RALGAPA2: variants seen among roughly 807,000 people sequenced by gnomAD.
RALGAPA2 encodes ral GTPase-activating protein subunit alpha-2.
A neutral mutation model predicts 230.4 loss-of-function variants in RALGAPA2; 139 were observed. The ratio of observed to expected loss-of-function variants is 0.60; its 90% CI spans 0.53 to 0.69. The LOEUF is 0.69. RALGAPA2 is among the 30% of genes least tolerant of loss of function. RALGAPA2 has a pLI of 0.00. For synonymous variants in RALGAPA2, 847 were observed against 837.8 expected (o/e 1.01, Z -0.19); for missense variants, 2,163 against 2,276.0 (o/e 0.95, Z 1.01).
chr20:20,472,787 C>T (rs759079350), intron 37 of RALGAPA2, 42 bp downstream of exon 37: 9 of 1,575,064 alleles, frequency 5.7e-6, no homozygotes, highest in Non-Finnish European at 1.7e-6. Context: ...AATCTTGATT[C>T]TGGGATGGTT....
chr20:20,694,669 T>C (rs1210271778), intron 1 of RALGAPA2, among the ~76,000 whole-genome samples: 1 of 152,242 alleles, frequency 6.6e-6, no homozygotes, highest in East Asian at 1.9e-4. Context: ...TATGTAATTC[T>C]TCACTTACTG....
intron 38 of RALGAPA2, among the ~76,000 whole-genome samples, chr20:20,411,459 A>G (rs1210485751): frequency 6.6e-6 from 1 of 152,202 alleles, no homozygotes; most frequent in African/African-American, 2.4e-5. Context: ...AATTATTGTA[A>G]GCTAGTTTCT....
chr20:20,559,178 A>G (rs531163706), intron 23 of RALGAPA2, among the ~76,000 whole-genome samples: 28 of 152,354 alleles, frequency 1.8e-4, no homozygotes, highest in African/African-American at 6.7e-4. Context: ...TGCACAAAGC[A>G]GCAAAACTGA....
At chr20:20,614,287 A>G (rs1384861274) in intron 13 of RALGAPA2, among the ~76,000 whole-genome samples, 2 of 152,226 alleles carry the variant, frequency 1.3e-5, no homozygotes, top group Non-Finnish European at 2.9e-5. Context: ...ATTAGTAAAA[A>G]ACAGAACAGA....
rs574619952 is a variant in RALGAPA2 at position 20,702,343 on chromosome 20, C to T, written c.106+10032G>A. ...TGCAAGAGATTTATTGGGGTAAATG[C>T]CCATGAAGGATAAATGAGAAGGAGC... On this transcript the variant is annotated intron_variant, in intron 1 of 39. Transcript: ENST00000202677. 4.6e-5 allele frequency among the ~76,000 whole-genome samples: 7 copies of T among 152,104 alleles called. No individual in the cohort carries two copies. The South Asian group carries it at 1.2e-3, about 27-fold the overall frequency.
At chr20:20,477,272 CAACT>C (rs894191013) in intron 36 of RALGAPA2, among the ~76,000 whole-genome samples, 1 of 152,166 alleles carries the variant, frequency 6.6e-6, no homozygotes, top group African/African-American at 2.4e-5. Flanking sequence ...TTGAACAAGA[CAACT>C]AACAAACTCA....
chr20:20,571,898 G>A lies in RALGAPA2; in HGVS notation c.2950C>T (p.Pro984Ser). The A allele has an allele frequency of 6.2e-7, 1 of 1,612,108 alleles. No individual in the cohort carries two copies. The highest frequency in any genetic ancestry group is 8.5e-7 in the Non-Finnish European group (1 of 1,178,988). Residue 984 changes from proline (P) to serine (S), a missense_variant, in exon 22 of 40, where the codon CCT (proline) becomes TCT (serine). Transcript: ENST00000202677. ...CTGAGTGGTGGGATCAAAACTGGAG[G>A]AGATGGAGAAGACTGGTTATCCAGG... is the stretch of plus-strand genomic sequence containing the variant. ...ISLDNQSSPSPPVLIPPLRMF... is the reference protein window; with the variant it reads ...ISLDNQSSPSSPVLIPPLRMF...
chr20:20,636,062 A>G (rs2066847518), intron 8 of RALGAPA2, among the ~76,000 whole-genome samples: 1 of 152,224 alleles, frequency 6.6e-6, no homozygotes, highest in Admixed American at 6.5e-5. Context: ...ACTGAACTTT[A>G]GAGGTTTATA....
intron 8 of RALGAPA2, among the ~76,000 whole-genome samples, chr20:20,635,989 T>C (rs375300589): frequency 2.6e-5 from 4 of 152,244 alleles, no homozygotes; most frequent in Non-Finnish European, 5.9e-5. Flanking sequence ...TGTAAAAGTA[T>C]ATATGAACTT....
At chr20:20,599,942 C>T (rs2146192211) in intron 16 of RALGAPA2, among the ~76,000 whole-genome samples, 1 of 150,914 alleles carries the variant, frequency 6.6e-6, no homozygotes, top group South Asian at 2.1e-4. Flanking sequence ...CACTGCACTT[C>T]AGCCTGGGCT....
intron 14 of RALGAPA2, among the ~76,000 whole-genome samples, chr20:20,609,020 G>A (rs1235836951): frequency 6.6e-6 from 1 of 151,994 alleles, no homozygotes. Context: ...TTTGAGACAG[G>A]GTCTTGCTCT....
chr20:20,610,016 C>T (rs764545852), intron 14 of RALGAPA2, among the ~76,000 whole-genome samples: 14 of 152,152 alleles, frequency 9.2e-5, no homozygotes, highest in Non-Finnish European at 5.9e-5. Flanking sequence ...TTCAAAATTC[C>T]GTTATCTTGT....
chr20:20,490,456 T>C (rs142192761), intron 36 of RALGAPA2, among the ~76,000 whole-genome samples: 270 of 152,346 alleles, frequency 1.8e-3, no homozygotes, highest in African/African-American at 6.4e-3. Flanking sequence ...TTTTCAATGA[T>C]CTTTTCTAAA....
At chr20:20,537,855 C>A (rs1334425198) in intron 24 of RALGAPA2, among the ~76,000 whole-genome samples, 1 of 152,170 alleles carries the variant, frequency 6.6e-6, no homozygotes, top group Non-Finnish European at 1.5e-5. Context: ...ATAAAGTCCC[C>A]TCACCAACCC....
In RALGAPA2 at chr20:20,571,584, T is replaced by C; in HGVS notation, c.3030A>G (p.Glu1010=). ...KAATLPNEYK[E]GKLQAYRLIC... is the part of the protein sequence containing the mutation. Reference sequence around the variant, plus strand: ...TCAGCCTGTAGGCTTGTAGTTTGCCTTCCTTATATTCATTTGGCAGTGTCG... The same window carrying C: ...TCAGCCTGTAGGCTTGTAGTTTGCCCTCCTTATATTCATTTGGCAGTGTCG... Residue 1010 remains glutamate, a synonymous_variant, in exon 23 of 40, where the codon GAA becomes GAG. Coordinates refer to ENST00000202677, the MANE Select transcript of RALGAPA2 (RefSeq NM_020343.4). 1 of 1,611,562 alleles carries C rather than the reference T, an allele frequency of 6.2e-7. No homozygotes were observed. The highest frequency in any genetic ancestry group is 1.1e-5 in the South Asian group (1 of 90,464).
At chr20:20,666,570 G>C (rs770555699) in intron 3 of RALGAPA2, among the ~76,000 whole-genome samples, 24 of 152,180 alleles carry the variant, frequency 1.6e-4, no homozygotes, top group Non-Finnish European at 3.2e-4. Context: ...CATGGGAGGA[G>C]GGAGCAGCAC....
intron 3 of RALGAPA2, among the ~76,000 whole-genome samples, chr20:20,675,449 G>A (rs546852554): frequency 6.6e-6 from 1 of 152,166 alleles, no homozygotes; most frequent in African/African-American, 2.4e-5. Flanking sequence ...CTCACATTAG[G>A]CCTTTCCTTT....
chr20:20,650,270 T>G (rs1018822004), intron 4 of RALGAPA2, among the ~76,000 whole-genome samples: 5 of 152,140 alleles, frequency 3.3e-5, no homozygotes, highest in Non-Finnish European at 5.9e-5. Context: ...TTAAGAGAAA[T>G]AGAATGTCTC....
intron 16 of RALGAPA2, among the ~76,000 whole-genome samples, chr20:20,600,507 C>CA (rs2065606625): frequency 6.6e-6 from 1 of 151,920 alleles, no homozygotes; most frequent in Non-Finnish European, 1.5e-5. Flanking sequence ...AATGCTACAG[C>CA]AAAAAAGTAT....
Sources: gnomAD v4.1 joint callset for allele counts (sites outside exome capture counted in the v4.1 genomes callset) on GRCh38, gnomAD v4.1.1 for gene constraint, MANE v1.5 for transcripts, NCBI Gene and HGNC (gene_info 2026-07-23, HGNC 2026-07-21) for gene names.